DNM3: variants seen among roughly 807,000 people sequenced by gnomAD.
The protein encoded by DNM3 is dynamin 3, also known as dynamin-3.
A neutral mutation model predicts 101.6 loss-of-function variants in DNM3; 47 were observed. That is an observed-to-expected ratio of 0.46 (90% CI 0.37 to 0.59). DNM3 has a LOEUF of 0.59. Ranked by LOEUF, DNM3 falls within the 20% of genes least tolerant of loss-of-function variation. The probability of loss-of-function intolerance (pLI) is 0.00; values close to 1 mark genes in which losing one functional copy is unlikely to be tolerated. For missense variants in DNM3, 849 were observed against 1,085.7 expected (o/e 0.78, Z 3.06); for synonymous variants, 385 against 387.9 (o/e 0.99, Z 0.09).
At chr1:172,185,876 G>T (rs1182264114) in intron 14 of DNM3, among the ~76,000 whole-genome samples, 1 of 151,980 alleles carries the variant, frequency 6.6e-6, no homozygotes, top group Non-Finnish European at 1.5e-5. Flanking sequence ...GCCACATTTT[G>T]ACTTTTTTGT....
At chr1:172,191,475 C>T (rs1394859402) in intron 14 of DNM3, among the ~76,000 whole-genome samples, 1 of 152,074 alleles carries the variant, frequency 6.6e-6, no homozygotes, top group African/African-American at 2.4e-5. Context: ...GTTCTTTTGG[C>T]TTAGGATTGT....
intron 1 of DNM3, among the ~76,000 whole-genome samples, chr1:171,903,704 G>A (rs918814149): frequency 3.9e-5 from 6 of 152,114 alleles, no homozygotes; most frequent in African/African-American, 1.2e-4. Flanking sequence ...ATTTTTGTTG[G>A]AAGTTTAATT....
intron 2 of DNM3, among the ~76,000 whole-genome samples, chr1:171,943,625 A>T (rs1240717563): frequency 1.3e-5 from 2 of 152,176 alleles, no homozygotes; most frequent in Non-Finnish European, 2.9e-5. Context: ...TATGACCTGG[A>T]AGCCCCCTGC....
chr1:172,404,178 G>A (rs899857523), intron 20 of DNM3, among the ~76,000 whole-genome samples: 3 of 152,014 alleles, frequency 2.0e-5, no homozygotes, highest in Non-Finnish European at 4.4e-5. Context: ...ACTGCAACTA[G>A]GCATATTTCC....
intron 14 of DNM3, among the ~76,000 whole-genome samples, chr1:172,203,733 A>C (rs759833128): frequency 1.4e-4 from 22 of 152,280 alleles, no homozygotes; most frequent in Non-Finnish European, 2.5e-4. Context: ...TTTTCTTCTT[A>C]TTATTAAATA....
At position 172,402,593 on chromosome 1, in the gene DNM3, A is replaced by G. The variant is rs570059525; in HGVS notation, c.2523-5179A>G. On this transcript the variant is annotated intron_variant, in intron 20 of 20. Transcript: ENST00000627582. ...ACCTAACTACTTATGCTGGACTTCA[A>G]TCCTACCCTCTCCAAAGATTAGAAT... Among the ~76,000 whole-genome samples the G allele has an allele frequency of 7.2e-5, 11 of 152,326 alleles. No homozygotes were observed. In the South Asian group the frequency reaches 2.1e-3, roughly 29 times the overall value.
At chr1:172,317,019 A>G (rs1329566027) in intron 16 of DNM3, among the ~76,000 whole-genome samples, 2 of 152,214 alleles carry the variant, frequency 1.3e-5, no homozygotes, top group African/African-American at 4.8e-5. Flanking sequence ...TTAAAAGAAC[A>G]GAAGTTATAA....
At chr1:171,945,890 G>C (rs1298549955) in intron 2 of DNM3, among the ~76,000 whole-genome samples, 1 of 152,116 alleles carries the variant, frequency 6.6e-6, no homozygotes, top group Admixed American at 6.5e-5. Context: ...TTCTAAACAG[G>C]AGGATTTGGT....
chr1:171,897,596 A>AT lies in DNM3; in HGVS notation c.162-24152_162-24151insT, dbSNP rs1244584730. Among the ~76,000 whole-genome samples the AT allele has an allele frequency of 3.9e-5, 6 of 152,336 alleles. No individual in the cohort carries two copies. In the East Asian group the frequency reaches 1.2e-3, roughly 29 times the overall value. ...GAATTGTTTCTTTTGTTGAAAACCT[A>AT]GATTAGTACATGCTATGCCATAGTG... On this transcript the variant is annotated intron_variant, in intron 1 of 20. Transcript: ENST00000627582.
At chr1:172,132,917 C>T (rs1348689068) in intron 14 of DNM3, 2 of 1,274,516 alleles carry the variant, frequency 1.6e-6, no homozygotes, top group African/African-American at 3.0e-5. Flanking sequence ...GGATAACCAA[C>T]TTACCAAAGT....
In DNM3 at chr1:172,412,016, G is replaced by T. The variant is rs2071236875; in HGVS notation, c.*4175G>T. On this transcript the variant is annotated 3_prime_UTR_variant, in exon 21 of 21. Transcript: ENST00000627582. ...GTGAAACTTTAAGAATATTTTTGAA[G>T]CATATGTAATATATGCACTGCTATT... 7 of 985,268 alleles carry T rather than the reference G, an allele frequency of 7.1e-6. No homozygotes were observed. Among genetic ancestry groups the T allele is most frequent in the African/African-American group, 7.0e-5 (4 of 57,128 alleles). 61.0% of individuals were successfully genotyped at this position (985,268 alleles called of 1,614,324 possible).
chr1:172,283,780 A>AAAAAAAAAAGAAAG (rs1553221113), intron 15 of DNM3, among the ~76,000 whole-genome samples: 10 of 119,098 alleles, frequency 8.4e-5, no homozygotes, highest in East Asian at 2.6e-4. Context: ...AAAAAAAAAA[A>AAAAAAAAAAGAAAG]AAAGAAAGAA....
At chr1:172,354,112 T>TGTGTGAGAGAGAGAGAGA (rs138540712) in intron 17 of DNM3, among the ~76,000 whole-genome samples, 81 of 94,958 alleles carry the variant, frequency 8.5e-4, no homozygotes, top group African/African-American at 2.2e-3. Flanking sequence ...TGTGTGTGTG[T>TGTGTGAGAGAGAGAGAGA]GAGAGAGAGA....
intron 14 of DNM3, among the ~76,000 whole-genome samples, chr1:172,192,109 C>G (rs574632940): frequency 3.8e-4 from 58 of 152,190 alleles, no homozygotes; most frequent in Non-Finnish European, 7.4e-4. Flanking sequence ...TTTGCCCACT[C>G]AGTATGATAT....
intron 11 of DNM3, among the ~76,000 whole-genome samples, chr1:172,079,264 A>G (rs999464573): frequency 1.3e-5 from 2 of 152,064 alleles, no homozygotes; most frequent in Non-Finnish European, 2.9e-5. Context: ...CCAATCAAAC[A>G]TAAGTTTGGT....
intron 4 of DNM3, among the ~76,000 whole-genome samples, chr1:172,014,564 T>G (rs547652741): frequency 6.6e-6 from 1 of 152,304 alleles, no homozygotes; most frequent in South Asian, 2.1e-4. Flanking sequence ...TTGAACATCT[T>G]TTTCATAGGC....
intron 14 of DNM3, among the ~76,000 whole-genome samples, chr1:172,177,152 A>C (rs1558681486): frequency 6.6e-6 from 1 of 151,704 alleles, no homozygotes; most frequent in South Asian, 2.1e-4. Flanking sequence ...CCAGTTTTTC[A>C]AAGTTTCTTT....
At chr1:172,094,449 C>A (rs764341392) in intron 13 of DNM3, among the ~76,000 whole-genome samples, 4 of 152,082 alleles carry the variant, frequency 2.6e-5, no homozygotes, top group Non-Finnish European at 4.4e-5. Flanking sequence ...ATTATCTGCC[C>A]CATGATATTT....
At chr1:172,012,764 T>A (rs1227782031) in intron 4 of DNM3, among the ~76,000 whole-genome samples, 4 of 152,052 alleles carry the variant, frequency 2.6e-5, no homozygotes, top group Admixed American at 2.6e-4. Flanking sequence ...AATTTTTATG[T>A]TTTCTATTAT....
Sources: allele counts gnomAD v4.1 joint callset (sites outside exome capture counted in the v4.1 genomes callset), GRCh38; gene constraint gnomAD v4.1.1; transcripts MANE v1.5; gene names NCBI Gene and HGNC (gene_info 2026-07-23, HGNC 2026-07-21).